GSE1: variants seen among roughly 807,000 people sequenced by gnomAD.
GSE1 encodes genetic suppressor element 1.
Under a neutral mutation model 112.6 loss-of-function variants are expected in GSE1, and 32 were observed. The ratio of observed to expected loss-of-function variants is 0.28; its 90% CI spans 0.21 to 0.38. The LOEUF (loss-of-function observed/expected upper bound fraction) is 0.38. Among genes scored for constraint, GSE1 ranks in the 10% least tolerant of loss-of-function variants. The pLI, the probability that GSE1 is intolerant of heterozygous loss-of-function variation, is 1.00. For missense variants in GSE1, 2,348 were observed against 1,699.2 expected (o/e 1.38, Z -6.71); for synonymous variants, 1,115 against 735.6 (o/e 1.52, Z -8.35).
intron 2 of GSE1, among the ~76,000 whole-genome samples, chr16:85,527,152 G>T (rs2052389456): frequency 6.6e-6 from 1 of 152,248 alleles, no homozygotes; most frequent in African/African-American, 2.4e-5. Flanking sequence ...TTGAAGCCCA[G>T]GGAGCTGCAG....
chr16:85,622,757 C>A (rs1300312433), intron 1 of GSE1, among the ~76,000 whole-genome samples: 1 of 152,186 alleles, frequency 6.6e-6, no homozygotes, highest in African/African-American at 2.4e-5. Flanking sequence ...AGAATTGTGG[C>A]CTTCATAGGC....
chr16:85,224,764 C>T (rs969536532), intron 1 of GSE1, among the ~76,000 whole-genome samples: 14 of 150,734 alleles, frequency 9.3e-5, no homozygotes, highest in Middle Eastern at 3.4e-3. Flanking sequence ...CTGAGGTGGG[C>T]GGATCATGAG....
intron 2 of GSE1, among the ~76,000 whole-genome samples, chr16:85,360,367 C>T (rs1018282571): frequency 2.6e-5 from 4 of 152,164 alleles, no homozygotes; most frequent in African/African-American, 9.6e-5. Flanking sequence ...GCCCTGCGGC[C>T]GGGTGGGGGC....
chr16:85,258,511 G>A (rs1202020966), intron 1 of GSE1, among the ~76,000 whole-genome samples: 3 of 152,204 alleles, frequency 2.0e-5, no homozygotes, highest in East Asian at 3.8e-4. Context: ...TGCATCCTGC[G>A]GCCCCGTGGC....
chr16:85,336,421 C>A (rs970566735), intron 1 of GSE1, among the ~76,000 whole-genome samples: 1 of 152,190 alleles, frequency 6.6e-6, no homozygotes, highest in Non-Finnish European at 1.5e-5. Context: ...GCCGACCAGT[C>A]GGTGGCGTTC....
At chr16:85,461,636 G>A (rs1360458630) in intron 2 of GSE1, among the ~76,000 whole-genome samples, 4 of 152,182 alleles carry the variant, frequency 2.6e-5, no homozygotes, top group African/African-American at 9.7e-5. Flanking sequence ...CTGGGTAGTG[G>A]CTCAAATGAA....
At chr16:85,177,001 T>G (rs2074480775) in intron 1 of GSE1, among the ~76,000 whole-genome samples, 1 of 152,226 alleles carries the variant, frequency 6.6e-6, no homozygotes, top group African/African-American at 2.4e-5. Flanking sequence ...TGGCTGGGGC[T>G]GGTACTGGCA....
intron 1 of GSE1, among the ~76,000 whole-genome samples, chr16:85,231,868 C>G (rs1315798301): frequency 6.6e-6 from 1 of 152,242 alleles, no homozygotes; most frequent in Non-Finnish European, 1.5e-5. Flanking sequence ...GAGGAACTTG[C>G]AAAAGCAAAT....
intron 1 of GSE1, among the ~76,000 whole-genome samples, chr16:85,293,698 A>C (rs893731988): frequency 6.6e-6 from 1 of 152,122 alleles, no homozygotes; most frequent in African/African-American, 2.4e-5. Context: ...CCTTTCTTCC[A>C]GTTTCTGGCA....
rs546181639 is a variant in GSE1, at chr16:85,277,324, C to T, written c.2284-80139C>T. ...TTTTTGCATGTGAGAGTTGGGGTGC[C>T]TTGGAGCCCTCCACAGGAGCCCTGA... On this transcript the variant is annotated intron_variant, in intron 1 of 2. Transcript: ENST00000637419. Among the ~76,000 whole-genome samples the T allele has an allele frequency of 3.3e-5, 5 of 152,246 alleles. No homozygotes were observed. In the East Asian group the frequency reaches 9.7e-4, roughly 29 times the overall value.
intron 1 of GSE1, among the ~76,000 whole-genome samples, chr16:85,243,079 C>T (rs1338626118): frequency 1.3e-5 from 2 of 152,210 alleles, no homozygotes; most frequent in Non-Finnish European, 2.9e-5. Flanking sequence ...TCCCAAAGTG[C>T]TGGGATTACA....
chr16:85,382,882 C>T (rs1277848081), intron 2 of GSE1, among the ~76,000 whole-genome samples: 1 of 149,248 alleles, frequency 6.7e-6, no homozygotes, highest in Non-Finnish European at 1.5e-5. Context: ...TGCACACACA[C>T]CGTGCACACA....
chr16:85,664,964 T>C (rs2052718526), intron 11 of GSE1, 51 bp from the exon 12 acceptor site: 4 of 1,229,704 alleles, frequency 3.3e-6, no homozygotes, highest in Non-Finnish European at 4.8e-6. Context: ...TGTCCTTCTC[T>C]CCAAAAAATG....
At chr16:85,284,634 C>A in intron 1 of GSE1, among the ~76,000 whole-genome samples, 1 of 152,200 alleles carries the variant, frequency 6.6e-6, no homozygotes, top group East Asian at 1.9e-4. Context: ...AACCTGCTAA[C>A]TGGATATTAA....
chr16:85,301,071 G>A (rs183450712), intron 1 of GSE1, among the ~76,000 whole-genome samples: 54 of 152,276 alleles, frequency 3.5e-4, no homozygotes, highest in Admixed American at 3.3e-3. Context: ...TGCACCTACC[G>A]GCTCTCTAAA....
chr16:85,551,444 C>T (rs973270124), upstream of GSE1, among the ~76,000 whole-genome samples: 1 of 152,280 alleles, frequency 6.6e-6, no homozygotes. Flanking sequence ...TGATGGGTTC[C>T]AAAAGCCACA....
At chr16:85,346,740 G>C (rs896107722) in intron 1 of GSE1, among the ~76,000 whole-genome samples, 5 of 150,520 alleles carry the variant, frequency 3.3e-5, no homozygotes, top group Non-Finnish European at 5.9e-5. Context: ...ATGGTGGACA[G>C]GTGAGTGGAT....
chr16:85,301,329 G>A (rs561659519), intron 1 of GSE1, among the ~76,000 whole-genome samples: 3 of 152,220 alleles, frequency 2.0e-5, no homozygotes, highest in South Asian at 2.1e-4. Context: ...GAGACGTGTC[G>A]GATTCATGGG....
intron 1 of GSE1, among the ~76,000 whole-genome samples, chr16:85,276,604 C>T (rs1344831239): frequency 1.3e-5 from 2 of 152,172 alleles, no homozygotes; most frequent in African/African-American, 4.8e-5. Context: ...GTGACCTCCC[C>T]GTGATGACCA....
Sources: gnomAD v4.1 joint callset for allele counts (sites outside exome capture counted in the v4.1 genomes callset) on GRCh38, gnomAD v4.1.1 for gene constraint, MANE v1.5 for transcripts, NCBI Gene and HGNC (gene_info 2026-07-23, HGNC 2026-07-21) for gene names.